The following MGARP variants were observed in gnomAD, a reference collection of about 807,000 sequenced individuals.
MGARP encodes the protein protein MGARP.
MGARP carries 12 observed loss-of-function variants against 11.0 expected under a neutral mutation model. The observed-to-expected ratio is 1.09, with a 90% CI of 0.70 to 1.77. MGARP has a LOEUF of 1.77. MGARP is among the 40% of genes most tolerant of loss of function. The pLI is 0.00. For missense variants in MGARP, 283 were observed against 297.8 expected, an observed-to-expected ratio of 0.95 and a Z score of 0.36; for synonymous variants, 110 against 115.4, an observed-to-expected ratio of 0.95 and a Z score of 0.30.
intron 3 of MGARP, 50 bp from the exon 4 acceptor site, chr4:139,267,091 G>GGCAATGAAACACTGCGGTCAA: frequency 6.4e-7 from 1 of 1,571,002 alleles, no homozygotes; most frequent in Non-Finnish European, 8.7e-7. Flanking sequence ...ATCGTGGGAA[G>GGCAATGAAACACTGCGGTCAA]GCAATGAAAC....
At chr4:139,271,633 G>A (rs1246071305) in intron 2 of MGARP, among the ~76,000 whole-genome samples, 1 of 152,048 alleles carries the variant, frequency 6.6e-6, no homozygotes, top group Admixed American at 6.6e-5. Context: ...GCATCTGTGG[G>A]GTCAATTCAT....
At position 139,266,721 on chromosome 4, in the gene MGARP, T is replaced by G. The variant is rs200692437; in HGVS notation, c.601A>C (p.Thr201Pro). The G allele has an allele frequency of 6.2e-7, 1 of 1,613,920 alleles. No homozygotes were observed. The highest frequency in any genetic ancestry group is 1.3e-5 in the African/African-American group (1 of 74,858). The stretch of plus-strand genomic sequence containing the variant: ...TCTAGTTCAGCATATTCATCAGAGG[T>G]TTCGTTCTTTGTTGTATCTTTATCA... Reference protein sequence around the residue: ...DNDKDTTKNETSDEYAELEEE... With the variant: ...DNDKDTTKNEPSDEYAELEEE... Residue 201 changes from threonine (T) to proline (P), a missense_variant, in exon 4 of 4, where the codon ACC becomes CCC. Coordinates refer to ENST00000398955, the MANE Select transcript of MGARP (RefSeq NM_032623.4).
intron 3 of MGARP, among the ~76,000 whole-genome samples, chr4:139,267,908 G>A (rs1744720235): frequency 6.6e-6 from 1 of 152,164 alleles, no homozygotes; most frequent in Non-Finnish European, 1.5e-5. Context: ...GAGGCCAGGA[G>A]ATCAAGACCA....
intron 3 of MGARP, 58 bp downstream of exon 3, chr4:139,268,614 G>T: frequency 8.2e-7 from 1 of 1,215,946 alleles, no homozygotes; most frequent in Non-Finnish European, 1.2e-6. Flanking sequence ...AGACTAAGTG[G>T]ATGGAAATTA....
chr4:139,271,580 CG>C (rs1238845660), intron 2 of MGARP, among the ~76,000 whole-genome samples: 1 of 152,034 alleles, frequency 6.6e-6, no homozygotes, highest in Non-Finnish European at 1.5e-5. Context: ...CCCTAATAGT[CG>C]AGGATTTTGA....
At chr4:139,279,184 G>T (rs1238300898) in intron 1 of MGARP, among the ~76,000 whole-genome samples, 1 of 152,132 alleles carries the variant, frequency 6.6e-6, no homozygotes, top group Non-Finnish European at 1.5e-5. Context: ...GGGCAGAACC[G>T]CCCTGGAGCG....
In MGARP at chr4:139,266,421, G is replaced by GTACAA; in HGVS notation, c.*173_*177dup. 1.7e-6 allele frequency: 1 copy of GTACAA among 605,926 alleles called. No individual in the cohort carries two copies. The highest frequency in any genetic ancestry group is 2.9e-6 in the Non-Finnish European group (1 of 347,428). 37.5% of individuals were successfully genotyped at this position (605,926 alleles called of 1,614,324 possible). A position where few individuals can be genotyped will look rare whatever the true frequency, so the allele number is the denominator to read the frequency against. Reference sequence around the variant, plus strand: ...AGACAGTAGAAGAGTAGTAAGAAATGTACAATCTCAAGTCTCTCAGTCCTA... The same window carrying GTACAA: ...AGACAGTAGAAGAGTAGTAAGAAATGTACAATACAATCTCAAGTCTCTCAGTCCTA... On this transcript the variant is annotated 3_prime_UTR_variant, in exon 4 of 4. Coordinates refer to ENST00000398955, the MANE Select transcript of MGARP (RefSeq NM_032623.4).
At chr4:139,276,276 A>G (rs1744872241) in intron 1 of MGARP, among the ~76,000 whole-genome samples, 1 of 152,216 alleles carries the variant, frequency 6.6e-6, no homozygotes, top group Admixed American at 6.5e-5. Flanking sequence ...CAAGACAGAT[A>G]AGGTCCCTAG....
rs773627270 is a variant in MGARP, at chr4:139,266,703, C to G, written c.619G>C (p.Glu207Gln). 1 of 1,614,146 alleles carries G rather than the reference C, an allele frequency of 6.2e-7. No individual in the cohort carries two copies. The highest frequency in any genetic ancestry group is 8.5e-7 in the Non-Finnish European group (1 of 1,180,018). ...TKNETSDEYA[E>Q]LEEENSPAES... is the part of the protein sequence containing the mutation. ...GCTGGAGAATTTTCTTCTTCTAGTT[C>G]AGCATATTCATCAGAGGTTTCGTTC... Residue 207 changes from glutamate (E) to glutamine (Q), a missense_variant, in exon 4 of 4, where the codon GAA becomes CAA. Coordinates refer to ENST00000398955, the MANE Select transcript of MGARP (RefSeq NM_032623.4).
intron 2 of MGARP, among the ~76,000 whole-genome samples, chr4:139,270,621 A>AAAG (rs1476105854): frequency 6.6e-6 from 1 of 151,726 alleles, no homozygotes; most frequent in Non-Finnish European, 1.5e-5. Flanking sequence ...AAAAAAAAAA[A>AAAG]AAAAAAGAAA....
At chr4:139,278,935 A>G (rs1744913958) in intron 1 of MGARP, among the ~76,000 whole-genome samples, 1 of 151,748 alleles carries the variant, frequency 6.6e-6, no homozygotes, top group Admixed American at 6.6e-5. Context: ...CTTCCCTCCC[A>G]CCACCACCAA....
At chr4:139,278,445 A>T (rs1343155560) in intron 1 of MGARP, among the ~76,000 whole-genome samples, 1 of 152,244 alleles carries the variant, frequency 6.6e-6, no homozygotes, top group Non-Finnish European at 1.5e-5. Context: ...AAATAGTTAG[A>T]TGAAAATCAG....
At position 139,266,746 on chromosome 4, in the gene MGARP, A is replaced by C. The variant is rs575271357; in HGVS notation, c.576T>G (p.Asn192Lys). Residue 192 changes from asparagine (N) to lysine (K), a missense_variant, in exon 4 of 4, where the codon AAT becomes AAG. Coordinates refer to ENST00000398955, the MANE Select transcript of MGARP (RefSeq NM_032623.4). ...AALDEAVTID[N>K]DKDTTKNETS... ...TTTCGTTCTTTGTTGTATCTTTATC[A>C]TTATCGATGGTGACAGCTTCATCCA... is the stretch of plus-strand genomic sequence containing the variant. 1 of 1,614,102 alleles carries C rather than the reference A, an allele frequency of 6.2e-7. No homozygotes were observed. The highest frequency in any genetic ancestry group is 1.1e-5 in the South Asian group (1 of 91,076).
Position 139,280,119 on chromosome 4 carries a change from G to GCAGCGC in MGARP, c.34_39dup (p.Ala12_Leu13dup). ...GCGGGGTTGGGGGGCGCCCTCAGCG[G>GCAGCGC]CAGCGCCAGAGTCTTGGAGACCGCC... On this transcript the variant is annotated inframe_insertion, in exon 1 of 4. Transcript: ENST00000398955. 6.2e-7 allele frequency: 1 copy of GCAGCGC among 1,611,960 alleles called. No homozygotes were observed. Among genetic ancestry groups the GCAGCGC allele is most frequent in the East Asian group, 2.2e-5 (1 of 44,858 alleles).
Position 139,268,730 on chromosome 4 carries a change from G to A in MGARP, c.222C>T (p.His74=), listed in dbSNP as rs201464356. 2 of 1,612,096 alleles carry A rather than the reference G, an allele frequency of 1.2e-6. No individual in the cohort carries two copies. Among genetic ancestry groups the A allele is most frequent in the African/African-American group, 1.3e-5 (1 of 74,864 alleles). ...YKTVTSDQAK[H]TEHKTNLKEK... is the part of the protein sequence containing the mutation. ...CTTTCAAATTTGTTTTATGTTCTGT[G>A]TGTTTGGCTTGGTCTGATGTGACTG... The change falls in exon 3 of 4, where the codon CAC becomes CAT. Residue 74 remains histidine, a synonymous_variant. Coordinates refer to ENST00000398955, the MANE Select transcript of MGARP (RefSeq NM_032623.4).
chr4:139,266,893 C>T lies in MGARP; in HGVS notation c.429G>A (p.Val143=). The T allele has an allele frequency of 1.9e-6, 3 of 1,614,174 alleles. No homozygotes were observed. The highest frequency in any genetic ancestry group is 2.5e-6 in the Non-Finnish European group (3 of 1,180,030). ...CTGCTGTGGTCTCCGGAGCAGCCTCCACGTGACCTGGACAGGCAGATGCCT... is the reference window on the plus strand; with the variant it reads ...CTGCTGTGGTCTCCGGAGCAGCCTCTACGTGACCTGGACAGGCAGATGCCT... ...IKEASACPGH[V]EAAPETTAVS... Residue 143 remains valine (V), a synonymous_variant, in exon 4 of 4, where the codon GTG becomes GTA. Transcript: ENST00000398955.
chr4:139,266,795 G>T lies in MGARP; in HGVS notation c.527C>A (p.Thr176Asn), dbSNP rs753042293. ...CAGGGCAGCATTTGTAACCTCTGGG[G>T]TTGTTTCAGGGTTTACTTCCGTGGT... ...RETTEVNPET[T>N]PEVTNAALDE... Residue 176 changes from threonine (T) to asparagine (N), a missense_variant, in exon 4 of 4, where the codon ACC becomes AAC. By Grantham distance (65) the Thr-to-Asn change is moderately conservative. Coordinates refer to ENST00000398955, the MANE Select transcript of MGARP (RefSeq NM_032623.4). The T allele has an allele frequency of 1.2e-6, 2 of 1,614,192 alleles. No individual in the cohort carries two copies. The highest frequency in any genetic ancestry group is 3.3e-5 in the Admixed American group (2 of 60,006).
intron 2 of MGARP, among the ~76,000 whole-genome samples, chr4:139,273,763 C>T (rs1016991343): frequency 1.3e-5 from 2 of 151,300 alleles, no homozygotes; most frequent in African/African-American, 4.9e-5. Context: ...ATCTGCCCAC[C>T]TTGACCTCCC....
At chr4:139,269,871 T>C (rs937651653) in intron 2 of MGARP, among the ~76,000 whole-genome samples, 3 of 152,176 alleles carry the variant, frequency 2.0e-5, no homozygotes, top group African/African-American at 7.2e-5. Context: ...GGTAAGATGA[T>C]AGATTTCTAA....
Sources: allele counts gnomAD v4.1 joint callset (sites outside exome capture counted in the v4.1 genomes callset), GRCh38; gene constraint gnomAD v4.1.1; transcripts MANE v1.5; gene names NCBI Gene and HGNC (gene_info 2026-07-23, HGNC 2026-07-21).